The following SMARCAD1 variants were observed in gnomAD, a reference collection of about 807,000 sequenced individuals.
SMARCAD1 encodes the protein SNF2 related chromatin remodeling ATPase with DExD box 1.
Under a neutral mutation model 127.1 loss-of-function variants are expected in SMARCAD1, and 25 were observed. The ratio of observed to expected loss-of-function variants is 0.20; its 90% confidence interval spans 0.14 to 0.27. SMARCAD1 has a LOEUF of 0.27. Ranked by LOEUF, SMARCAD1 falls within the 10% of genes least tolerant of loss-of-function variation. The pLI is 1.00. For missense variants in SMARCAD1, 807 were observed against 1,206.0 expected, an observed-to-expected ratio of 0.67 and a Z score of 4.90; for synonymous variants, 400 against 396.9, an observed-to-expected ratio of 1.01 and a Z score of -0.09.
At chr4:94,260,202 A>G (rs577088210) in intron 9 of SMARCAD1, among the ~76,000 whole-genome samples, 2 of 152,182 alleles carry the variant, frequency 1.3e-5, no homozygotes, top group Non-Finnish European at 2.9e-5. Flanking sequence ...TGCACCCACC[A>G]ATATTATTAC....
In SMARCAD1 at chr4:94,216,271, C is replaced by T. The variant is rs558083660; in HGVS notation, c.190+7687C>T. On this transcript the variant is annotated intron_variant, in intron 2 of 23. Transcript: ENST00000354268. The stretch of plus-strand genomic sequence containing the variant: ...CCATAATGGTTAAGATTTCAACATA[C>T]CGTTTTGGGGAGTGGGGCACAAACA... 6.6e-5 allele frequency among the ~76,000 whole-genome samples: 10 copies of T among 152,210 alleles called. No individual in the cohort carries two copies. In the South Asian group the frequency reaches 1.7e-3, roughly 25 times the overall value.
chr4:94,212,396 A>T (rs1742413317), intron 2 of SMARCAD1, among the ~76,000 whole-genome samples: 1 of 152,098 alleles, frequency 6.6e-6, no homozygotes, highest in South Asian at 2.1e-4. Flanking sequence ...GCTAGTGTCA[A>T]ACTCCTGACG....
At chr4:94,255,083 T>G (rs1358294462) in intron 9 of SMARCAD1, among the ~76,000 whole-genome samples, 1 of 152,010 alleles carries the variant, frequency 6.6e-6, no homozygotes, top group Non-Finnish European at 1.5e-5. Context: ...GCCAAAAAAA[T>G]TGTTTTGTGT....
At chr4:94,243,965 A>AT (rs1748010282) in intron 6 of SMARCAD1, among the ~76,000 whole-genome samples, 3 of 152,216 alleles carry the variant, frequency 2.0e-5, no homozygotes, top group Admixed American at 6.5e-5. Flanking sequence ...AAAGATAAAA[A>AT]CATAACGATA....
intron 2 of SMARCAD1, among the ~76,000 whole-genome samples, chr4:94,212,644 A>G (rs1296220114): frequency 6.6e-6 from 1 of 151,794 alleles, no homozygotes; most frequent in African/African-American, 2.4e-5. Context: ...ACACCACCAC[A>G]GCCGGCTAAT....
At chr4:94,225,004 C>T (rs1744774901) in intron 2 of SMARCAD1, among the ~76,000 whole-genome samples, 1 of 152,124 alleles carries the variant, frequency 6.6e-6, no homozygotes, top group South Asian at 2.1e-4. Context: ...TAATACGACT[C>T]CCTTCAATCT....
rs1753682120 is a variant in SMARCAD1 at position 94,279,195 on chromosome 4, GT to G, written c.2418+147del. On this transcript the variant is annotated intron_variant, in intron 19 of 23. Transcript: ENST00000354268. ...TTTTTTTCAGACCAGGTCTGGTTCT[GT>G]TGCCAAGGCAGGCAGTCTGGGCTCA... The G allele has an allele frequency of 2.9e-6, 3 of 1,049,106 alleles. No individual in the cohort carries two copies. In the African/African-American group the frequency reaches 4.8e-5, roughly 17 times the overall value. The allele number at this position is 1,049,106 out of a possible 1,614,324, so 65.0% of individuals were successfully genotyped here. A position where few individuals can be genotyped will look rare whatever the true frequency, so the allele number is the denominator to read the frequency against.
At chr4:94,260,407 G>A (rs1246263028) in intron 9 of SMARCAD1, among the ~76,000 whole-genome samples, 3 of 152,030 alleles carry the variant, frequency 2.0e-5, no homozygotes, top group African/African-American at 7.2e-5. Context: ...GCAGTTTCGT[G>A]ATCTTGGCTC....
chr4:94,252,844 A>T lies in SMARCAD1; in HGVS notation c.1118A>T (p.Asp373Val), dbSNP rs1266847736. The T allele has an allele frequency of 6.2e-7, 1 of 1,614,094 alleles. No individual in the cohort carries two copies. Among genetic ancestry groups the T allele is most frequent in the Admixed American group, 1.7e-5 (1 of 60,020 alleles). ...GSDVGSSLDE[D>V]YSSGEEVMED... ...GATGTCGGTAGTTCACTAGATGAGG[A>T]CTATAGTAGTGGTGAAGAAGTGATG... Residue 373 changes from aspartate (D) to valine (V), a missense_variant, in exon 9 of 24, where the codon GAC becomes GTC. By Grantham distance (152) the Asp-to-Val change is radical. Around this residue, in one of 8 missense-constraint regions of SMARCAD1, gnomAD observed 257 missense variants for 303.4 expected, o/e 0.85. Transcript: ENST00000354268.
intron 14 of SMARCAD1, 37 bp from the exon 15 acceptor site, chr4:94,276,302 G>T (rs768352428): frequency 6.2e-7 from 1 of 1,612,200 alleles, no homozygotes; most frequent in African/African-American, 1.3e-5. Context: ...AGCTCTTAAA[G>T]GTATAACCTT....
chr4:94,222,642 T>C (rs1744322740), intron 2 of SMARCAD1, among the ~76,000 whole-genome samples: 1 of 152,180 alleles, frequency 6.6e-6, no homozygotes, highest in Admixed American at 6.5e-5. Context: ...TCTTCTGTTC[T>C]GTTAACTAAG....
At chr4:94,232,300 G>A (rs1745965774) in intron 3 of SMARCAD1, among the ~76,000 whole-genome samples, 1 of 152,160 alleles carries the variant, frequency 6.6e-6, no homozygotes. Flanking sequence ...GAATTTGTTA[G>A]ATCATTGAGT....
chr4:94,227,657 C>T (rs12186176), intron 3 of SMARCAD1, among the ~76,000 whole-genome samples: 20,286 of 152,096 alleles, frequency 0.13, 1,652 homozygotes, highest in Non-Finnish European at 0.19. Context: ...GTGACTGTTT[C>T]TGCTGTGGGT....
chr4:94,242,718 A>G (rs560619328), intron 6 of SMARCAD1, among the ~76,000 whole-genome samples: 3 of 149,874 alleles, frequency 2.0e-5, no homozygotes, highest in Non-Finnish European at 3.0e-5. Context: ...AGCCTGAGCA[A>G]TATAGTGGGA....
chr4:94,250,631 A>T lies in SMARCAD1; in HGVS notation c.808-121A>T, dbSNP rs1464384114. On this transcript the variant is annotated intron_variant, in intron 7 of 23. Transcript: ENST00000354268. ...GTAAAGCAGTGTAAAAACAAGTGCA[A>T]AATAATCAGATGTGAATTCTCTGTT... The T allele has an allele frequency of 1.7e-5, 11 of 630,418 alleles. No individual in the cohort carries two copies. In the Admixed American group the frequency reaches 3.3e-4, roughly 19 times the overall value. The allele number at this position is 630,418 out of a possible 1,614,324, so 39.1% of individuals were successfully genotyped here. A position where few individuals can be genotyped will look rare whatever the true frequency, so the allele number is the denominator to read the frequency against.
At chr4:94,248,422 C>A in intron 6 of SMARCAD1, 1 of 455,386 alleles carries the variant, frequency 2.2e-6, no homozygotes, top group Non-Finnish European at 4.4e-6. Context: ...GGATCTGTTC[C>A]CTCCTCAGCT....
intron 12 of SMARCAD1, among the ~76,000 whole-genome samples, chr4:94,274,179 C>A (rs1752941342): frequency 6.6e-6 from 1 of 152,072 alleles, no homozygotes; most frequent in South Asian, 2.1e-4. Flanking sequence ...GGTTAATAAT[C>A]AACTGTAAAT....
Position 94,285,075 on chromosome 4 carries a change from T to C in SMARCAD1, c.3019+6T>C. 1 of 1,568,480 alleles carries C rather than the reference T, an allele frequency of 6.4e-7. No homozygotes were observed. Among genetic ancestry groups the C allele is most frequent in the Non-Finnish European group, 8.8e-7 (1 of 1,142,612 alleles). ...TATGACTACAGTAGATGAAGGTGAG[T>C]TGTTTGTAAGCAGAAACTTCAATAT... On this transcript the variant is annotated splice_donor_region_variant and intron_variant, in intron 23 of 23. Coordinates refer to ENST00000354268, the MANE Select transcript of SMARCAD1 (RefSeq NM_020159.5).
intron 22 of SMARCAD1, among the ~76,000 whole-genome samples, chr4:94,284,576 GTTTT>G (rs1553922093): frequency 1.7e-4 from 23 of 135,280 alleles, no homozygotes; most frequent in Admixed American, 1.2e-3. Context: ...TTTGGTTTTT[GTTTT>G]TTTTTTTTTT....
Sources: gnomAD v4.1 joint callset for allele counts (sites outside exome capture counted in the v4.1 genomes callset) on GRCh38, gnomAD v4.1.1 for gene constraint, gnomAD v4.1.1 regional missense constraint, MANE v1.5 for transcripts, NCBI Gene and HGNC (gene_info 2026-07-23, HGNC 2026-07-21) for gene names.